The following KATNIP variants were observed in gnomAD, a reference collection of about 807,000 sequenced individuals.
KATNIP encodes katanin-interacting protein.
Under a neutral mutation model 174.0 loss-of-function variants are expected in KATNIP, and 126 were observed. That is an observed-to-expected ratio of 0.72 (90% confidence interval 0.63 to 0.84). KATNIP has a LOEUF of 0.84. KATNIP is among the 40% of genes least tolerant of loss of function. The pLI is 0.00. For missense variants in KATNIP, 1,958 were observed against 2,109.7 expected (o/e 0.93, Z 1.41); for synonymous variants, 810 against 835.7 (o/e 0.97, Z 0.53).
intron 5 of KATNIP, chr16:27,643,488 G>C (rs2076865005): frequency 1.3e-5 from 2 of 150,146 alleles, no homozygotes; most frequent in Non-Finnish European, 2.9e-5. Flanking sequence ...CTACTCAGGA[G>C]GCTGAGGCAG....
intron 2 of KATNIP, among the ~76,000 whole-genome samples, chr16:27,603,764 T>C (rs1268027430): frequency 3.4e-5 from 5 of 146,774 alleles, no homozygotes; most frequent in African/African-American, 1.3e-4. Context: ...TGAGATAGAG[T>C]GTCCCTCTGT....
At chr16:27,594,891 C>G (rs900007153) in intron 2 of KATNIP, among the ~76,000 whole-genome samples, 9 of 152,182 alleles carry the variant, frequency 5.9e-5, no homozygotes, top group Non-Finnish European at 4.4e-5. Context: ...GCAAACCACT[C>G]AGCACAAATT....
chr16:27,701,265 C>T (rs1239951849), intron 10 of KATNIP, among the ~76,000 whole-genome samples: 1 of 152,170 alleles, frequency 6.6e-6, no homozygotes, highest in East Asian at 1.9e-4. Flanking sequence ...TCAAGTGATC[C>T]TCCTGCCACA....
At chr16:27,767,704 C>A (rs1228729509) in intron 20 of KATNIP, among the ~76,000 whole-genome samples, 1 of 152,134 alleles carries the variant, frequency 6.6e-6, no homozygotes, top group Non-Finnish European at 1.5e-5. Flanking sequence ...GAGCAAGACA[C>A]CATCTCAAAG....
At chr16:27,677,367 G>A (rs1231552452) in intron 6 of KATNIP, among the ~76,000 whole-genome samples, 1 of 152,136 alleles carries the variant, frequency 6.6e-6, no homozygotes, top group Non-Finnish European at 1.5e-5. Flanking sequence ...CAGACCCACT[G>A]AATCAGTGGG....
intron 10 of KATNIP, 109 bp downstream of exon 10, chr16:27,699,708 T>A: frequency 6.8e-7 from 1 of 1,475,348 alleles, no homozygotes; most frequent in East Asian, 2.4e-5. Context: ...TAGCACCTGA[T>A]GGCCTCCAGG....
chr16:27,599,935 C>T (rs964461512), intron 2 of KATNIP, among the ~76,000 whole-genome samples: 18 of 152,200 alleles, frequency 1.2e-4, no homozygotes, highest in Non-Finnish European at 1.9e-4. Flanking sequence ...TTTGAGCACT[C>T]TCCCCTCTCC....
chr16:27,701,152 A>AT (rs946123711), intron 10 of KATNIP, among the ~76,000 whole-genome samples: 4 of 151,324 alleles, frequency 2.6e-5, no homozygotes, highest in South Asian at 2.1e-4. Context: ...TGGTGAGAGG[A>AT]TTTTTTTTTA....
Position 27,720,542 on chromosome 16 carries a change from T to C in KATNIP, c.1606-1016T>C, listed in dbSNP as rs183197071. 4.7e-4 allele frequency among the ~76,000 whole-genome samples: 68 copies of C among 145,578 alleles called. 1 individual carries two copies. The highest frequency in any genetic ancestry group is 1.7e-3 in the African/African-American group (66 of 39,476). Reference sequence around the variant, plus strand: ...GCATCTTCCATGTGCCAAGGAACTATGCTAAAAGCCTAGGATTCTGGAATA... The same window carrying C: ...GCATCTTCCATGTGCCAAGGAACTACGCTAAAAGCCTAGGATTCTGGAATA... On this transcript the variant is annotated intron_variant, in intron 13 of 27. Transcript: ENST00000261588.
intron 3 of KATNIP, among the ~76,000 whole-genome samples, chr16:27,624,259 C>A (rs2076271146): frequency 6.6e-6 from 1 of 152,134 alleles, no homozygotes; most frequent in African/African-American, 2.4e-5. Context: ...AGGTCCCTGC[C>A]CCGGTGGCCC....
chr16:27,706,626 A>G (rs1397995097), intron 12 of KATNIP, among the ~76,000 whole-genome samples: 1 of 152,200 alleles, frequency 6.6e-6, no homozygotes, highest in African/African-American at 2.4e-5. Flanking sequence ...ACGAGTTGTG[A>G]CACTTGCTTA....
At chr16:27,748,634 T>TA (rs1306083558) in intron 15 of KATNIP, among the ~76,000 whole-genome samples, 2 of 150,550 alleles carry the variant, frequency 1.3e-5, no homozygotes, top group African/African-American at 2.5e-5. Flanking sequence ...ATAAAAGTAT[T>TA]ACAGGCTGGG....
At chr16:27,617,178 C>T (rs1596946264) in intron 2 of KATNIP, among the ~76,000 whole-genome samples, 1 of 152,272 alleles carries the variant, frequency 6.6e-6, no homozygotes, top group Admixed American at 6.5e-5. Context: ...CTGCAAATGA[C>T]AGAAACTCAG....
intron 1 of KATNIP, among the ~76,000 whole-genome samples, chr16:27,572,552 TC>T (rs2090347675): frequency 6.6e-6 from 1 of 152,076 alleles, no homozygotes; most frequent in Non-Finnish European, 1.5e-5. Flanking sequence ...GTCTCCCTCT[TC>T]TCTGTCTCTC....
At chr16:27,620,643 T>C (rs1377755363) in intron 3 of KATNIP, among the ~76,000 whole-genome samples, 2 of 152,228 alleles carry the variant, frequency 1.3e-5, no homozygotes, top group Non-Finnish European at 2.9e-5. Flanking sequence ...AATCTAGTTA[T>C]AGGACCAGAT....
intron 19 of KATNIP, 121 bp downstream of exon 19, chr16:27,761,711 T>C (rs1370341496): frequency 1.0e-5 from 9 of 858,152 alleles, no homozygotes; most frequent in Non-Finnish European, 1.5e-5. Flanking sequence ...CTGGCCACCC[T>C]GTGAGGTAAT....
intron 2 of KATNIP, among the ~76,000 whole-genome samples, chr16:27,586,794 A>G (rs1218250960): frequency 6.6e-6 from 1 of 150,774 alleles, no homozygotes; most frequent in Admixed American, 6.6e-5. Flanking sequence ...GCGCCACTGC[A>G]CTCCAGCCTG....
chr16:27,681,255 C>T (rs1423888921), intron 7 of KATNIP, 144 bp from the exon 8 acceptor site: 2 of 1,056,278 alleles, frequency 1.9e-6, no homozygotes, highest in Non-Finnish European at 2.8e-6. Context: ...CTGCATTATT[C>T]ACATCTCTAA....
At chr16:27,577,079 GC>G (rs2090526409) in intron 2 of KATNIP, among the ~76,000 whole-genome samples, 1 of 152,154 alleles carries the variant, frequency 6.6e-6, no homozygotes, top group Admixed American at 6.5e-5. Flanking sequence ...GCCAAATTCA[GC>G]CCAAAGATAT....
Sources: gnomAD v4.1 joint callset for allele counts (sites outside exome capture counted in the v4.1 genomes callset) on GRCh38, gnomAD v4.1.1 for gene constraint, MANE v1.5 for transcripts, NCBI Gene and HGNC (gene_info 2026-07-23, HGNC 2026-07-21) for gene names.